RNF144B: variants seen among roughly 807,000 people sequenced by gnomAD.
The protein encoded by RNF144B is E3 ubiquitin-protein ligase RNF144B.
In RNF144B, 25 loss-of-function variants were observed where a neutral mutation model predicts 40.2. The ratio of observed to expected loss-of-function variants is 0.62; its 90% confidence interval spans 0.45 to 0.87. The LOEUF (loss-of-function observed/expected upper bound fraction) is 0.87, where lower values mean the gene tolerates loss of function less well. Ranked by LOEUF, RNF144B falls within the 40% of genes least tolerant of loss-of-function variation. The pLI, the probability that RNF144B is intolerant of heterozygous loss-of-function variation, is 0.00. For synonymous variants in RNF144B, 145 were observed against 136.3 expected, an observed-to-expected ratio of 1.06 and a Z score of -0.44; for missense variants, 365 against 373.7, an observed-to-expected ratio of 0.98 and a Z score of 0.19.
rs1321407100 is a variant in RNF144B at position 18,441,335 on chromosome 6, G to C, written c.331+1591G>C. On this transcript the variant is annotated intron_variant, in intron 4 of 7. Transcript: ENST00000259939. This position sits in a 1 kb window ranked among gnomAD's most constrained non-coding sequence, Gnocchi z 4.9. ...TGCTTTTACCTGGAGAAAGCCTACA[G>C]AGTTAGGTTGGATTTTCAGGCTGCT... 6.6e-6 allele frequency among the ~76,000 whole-genome samples: 1 copy of C among 152,180 alleles called. No homozygotes were observed. Among genetic ancestry groups the C allele is most frequent in the African/African-American group, 2.4e-5 (1 of 41,460 alleles).
At chr6:18,463,056 C>A (rs1562061563) in intron 6 of RNF144B, among the ~76,000 whole-genome samples, 3 of 150,884 alleles carry the variant, frequency 2.0e-5, no homozygotes, top group Admixed American at 2.0e-4. Flanking sequence ...CATTACTACT[C>A]TTTTTTTTTC....
chr6:18,424,331 C>T (rs1204727774), intron 2 of RNF144B, among the ~76,000 whole-genome samples: 1 of 152,210 alleles, frequency 6.6e-6, no homozygotes, highest in Non-Finnish European at 1.5e-5. Context: ...TGTTTTCCCT[C>T]TTTGCCTTTG....
At position 18,450,043 on chromosome 6, in the gene RNF144B, A is replaced by G. The variant is rs1228104989; in HGVS notation, c.332-7112A>G. ...TCTTATCCAAAAATGCCATTTATGA[A>G]TTTCTATAAATGATCTGTGTGTAGC... On this transcript the variant is annotated intron_variant, in intron 4 of 7. Transcript: ENST00000259939. The surrounding 1 kb of genome is among the most constrained non-coding windows in gnomAD (Gnocchi z 4.7). Among the ~76,000 whole-genome samples the G allele has an allele frequency of 6.6e-6, 1 of 152,178 alleles. No individual in the cohort carries two copies. Among genetic ancestry groups the G allele is most frequent in the African/African-American group, 2.4e-5 (1 of 41,444 alleles).
chr6:18,455,769 C>T (rs1204480028), intron 4 of RNF144B, among the ~76,000 whole-genome samples: 1 of 152,128 alleles, frequency 6.6e-6, no homozygotes, highest in African/African-American at 2.4e-5. Context: ...AAATAGATGG[C>T]TGTCAGTTCT....
In RNF144B at chr6:18,457,935, T is replaced by G. The variant is rs67927938; in HGVS notation, c.536+576T>G. ...GTACCTTTTTAGTACAGCGGGTTTTTTTTTGTTTTGTTTTGTTTTTGAGAC... is the reference window on the plus strand; with the variant it reads ...GTACCTTTTTAGTACAGCGGGTTTTGTTTTGTTTTGTTTTGTTTTTGAGAC... On this transcript the variant is annotated intron_variant, in intron 5 of 7. Transcript: ENST00000259939. This position sits in a 1 kb window ranked among gnomAD's most constrained non-coding sequence, Gnocchi z 5.1. Among the ~76,000 whole-genome samples, 2,677 of 152,056 alleles carry G rather than the reference T, an allele frequency of 0.018. 38 individuals carry two copies. The highest frequency in any genetic ancestry group is 0.027 in the Middle Eastern group (8 of 294).
Position 18,387,556 on chromosome 6 carries a change from C to T in RNF144B, c.-111C>T. ...GAAGAGCTCCTGTCCGGTGTGCCAG[C>T]AGCCCGGACTGGCGGTGAGCGCGAG... On this transcript the variant is annotated 5_prime_UTR_variant, in exon 1 of 8. Transcript: ENST00000259939. The T allele has an allele frequency of 7.5e-7, 1 of 1,329,270 alleles. No homozygotes were observed. 82.3% of individuals were successfully genotyped at this position (1,329,270 alleles called of 1,614,324 possible).
intron 1 of RNF144B, 110 bp from the exon 2 acceptor site, chr6:18,399,389 G>T: frequency 1.3e-6 from 1 of 761,342 alleles, no homozygotes; most frequent in South Asian, 1.9e-5. Context: ...TTAGCTGTAA[G>T]TTTTGGGATA....
In RNF144B at chr6:18,405,811, A is replaced by G. The variant is rs572268411; in HGVS notation, c.165+6112A>G. ...TGGACCTATGATCTCATCCATGCCT[A>G]ATGCTTACCACTTACTTATTCAAGG... On this transcript the variant is annotated intron_variant, in intron 2 of 7. Transcript: ENST00000259939. The surrounding 1 kb of genome is among the most constrained non-coding windows in gnomAD (Gnocchi z 4.5). Among the ~76,000 whole-genome samples the G allele has an allele frequency of 2.0e-5, 3 of 152,316 alleles. No individual in the cohort carries two copies. In the South Asian group the frequency reaches 6.2e-4, roughly 32 times the overall value.
chr6:18,391,536 G>A (rs1438091663), intron 1 of RNF144B, among the ~76,000 whole-genome samples: 3 of 152,142 alleles, frequency 2.0e-5, no homozygotes, highest in Non-Finnish European at 4.4e-5. Context: ...TACCCTGTAG[G>A]GTAATGAGAA....
In RNF144B at chr6:18,447,744, T is replaced by A. The variant is rs1287063357; in HGVS notation, c.331+8000T>A. ...GAGTCAGGATCAGTAGTATAAACTTTGGAATCGTCAGCATAGAGGTCAGGT... is the reference window on the plus strand; with the variant it reads ...GAGTCAGGATCAGTAGTATAAACTTAGGAATCGTCAGCATAGAGGTCAGGT... On this transcript the variant is annotated intron_variant, in intron 4 of 7. Coordinates refer to ENST00000259939, the MANE Select transcript of RNF144B (RefSeq NM_182757.4). This position sits in a 1 kb window ranked among gnomAD's most constrained non-coding sequence, Gnocchi z 5.6. 1.3e-5 allele frequency among the ~76,000 whole-genome samples: 2 copies of A among 152,172 alleles called. No homozygotes were observed. Among genetic ancestry groups the A allele is most frequent in the African/African-American group, 4.8e-5 (2 of 41,446 alleles).
rs912893840 is a variant in RNF144B, at chr6:18,468,061, G to A, written c.*2994G>A. 6.6e-6 allele frequency: 1 copy of A among 152,204 alleles called. No individual in the cohort carries two copies. Among genetic ancestry groups the A allele is most frequent in the Non-Finnish European group, 1.5e-5 (1 of 68,058 alleles). 9.4% of individuals were successfully genotyped at this position (152,204 alleles called of 1,614,324 possible). On this transcript the variant is annotated 3_prime_UTR_variant, in exon 8 of 8. Transcript: ENST00000259939. Reference sequence around the variant, plus strand: ...GGTCTGCCAGCTTTGTCCTTTCTGAGTGATTCTCTTTCTGTATTGAGAGGA... The same window carrying A: ...GGTCTGCCAGCTTTGTCCTTTCTGAATGATTCTCTTTCTGTATTGAGAGGA...
chr6:18,395,859 A>G lies in RNF144B; in HGVS notation c.-36-3640A>G, dbSNP rs1227763486. 1.3e-5 allele frequency among the ~76,000 whole-genome samples: 2 copies of G among 152,172 alleles called. No homozygotes were observed. The highest frequency in any genetic ancestry group is 2.9e-5 in the Non-Finnish European group (2 of 68,042). On this transcript the variant is annotated intron_variant, in intron 1 of 7. Coordinates refer to ENST00000259939, the MANE Select transcript of RNF144B (RefSeq NM_182757.4). This position sits in a 1 kb window ranked among gnomAD's most constrained non-coding sequence, Gnocchi z 4.5. The stretch of plus-strand genomic sequence containing the variant: ...TGTTTTTGAAAGCTCATTGCTTGAA[A>G]AATGTCTGAGAGCCATTGCTTTAGG...
chr6:18,391,631 G>C (rs1030048831), intron 1 of RNF144B, among the ~76,000 whole-genome samples: 1 of 152,100 alleles, frequency 6.6e-6, no homozygotes, highest in Non-Finnish European at 1.5e-5. Context: ...ACTTTGGGAG[G>C]CTGAGGTGGG....
intron 2 of RNF144B, among the ~76,000 whole-genome samples, chr6:18,413,335 C>T (rs557998161): frequency 3.3e-5 from 5 of 152,018 alleles, no homozygotes; most frequent in South Asian, 4.1e-4. Flanking sequence ...ATTTTATATA[C>T]GTAAAAGTTT....
chr6:18,419,825 T>G lies in RNF144B; in HGVS notation c.166-7756T>G, dbSNP rs995047183. Among the ~76,000 whole-genome samples, 3 of 152,228 alleles carry G rather than the reference T, an allele frequency of 2.0e-5. No individual in the cohort carries two copies. Among genetic ancestry groups the G allele is most frequent in the African/African-American group, 4.8e-5 (2 of 41,456 alleles). ...GAAGAGGAGTGAGAGAGGGCTGTTC[T>G]ATGCTGTTTTATTATGACTTTTCTT... On this transcript the variant is annotated intron_variant, in intron 2 of 7. Transcript: ENST00000259939. The surrounding 1 kb of genome is among the most constrained non-coding windows in gnomAD (Gnocchi z 4.6).
chr6:18,388,316 A>G (rs1443280621), intron 1 of RNF144B, among the ~76,000 whole-genome samples: 1 of 152,270 alleles, frequency 6.6e-6, no homozygotes, highest in Non-Finnish European at 1.5e-5. Context: ...TAACAGGACT[A>G]TCTCTGCTCT....
At chr6:18,439,785 T>G in intron 4 of RNF144B, 41 bp downstream of exon 4, 2 of 1,371,710 alleles carry the variant, frequency 1.5e-6, no homozygotes, top group Non-Finnish European at 2.1e-6. Flanking sequence ...AATGTGGTTT[T>G]ACATGTGTCA....
intron 2 of RNF144B, among the ~76,000 whole-genome samples, chr6:18,411,945 C>T (rs1379082110): frequency 6.6e-6 from 1 of 152,112 alleles, no homozygotes; most frequent in African/African-American, 2.4e-5. Context: ...ACAGACCAAC[C>T]TTCCTTTTTA....
rs1355932166 is a variant in RNF144B, at chr6:18,398,344, A to G, written c.-36-1155A>G. The stretch of plus-strand genomic sequence containing the variant: ...TATTTCTTTTTATTCCACTGTATAT[A>G]TAGACCACATTTTGTTTGTTCTTCT... On this transcript the variant is annotated intron_variant, in intron 1 of 7. Coordinates refer to ENST00000259939, the MANE Select transcript of RNF144B (RefSeq NM_182757.4). The surrounding 1 kb of genome is among the most constrained non-coding windows in gnomAD (Gnocchi z 5.0). Among the ~76,000 whole-genome samples, 1 of 152,080 alleles carries G rather than the reference A, an allele frequency of 6.6e-6. No individual in the cohort carries two copies. Among genetic ancestry groups the G allele is most frequent in the Non-Finnish European group, 1.5e-5 (1 of 67,994 alleles).
Sources: allele counts gnomAD v4.1 joint callset (sites outside exome capture counted in the v4.1 genomes callset), GRCh38; gene constraint gnomAD v4.1.1; non-coding constraint Gnocchi (gnomAD v3.1); transcripts MANE v1.5; gene names NCBI Gene and HGNC (gene_info 2026-07-23, HGNC 2026-07-21).